Variants in GALNT17 observed in about 807,000 individuals in gnomAD.
GALNT17 encodes polypeptide N-acetylgalactosaminyltransferase 17.
GALNT17 carries 29 observed loss-of-function variants against 63.7 expected under a neutral mutation model. The observed-to-expected ratio is 0.46, with a 90% CI of 0.34 to 0.62. GALNT17 has a LOEUF of 0.62. Ranked by LOEUF, GALNT17 falls within the 20% of genes least tolerant of loss-of-function variation. The pLI is 0.01. For synonymous variants in GALNT17, 305 were observed against 318.3 expected (o/e 0.96, Z 0.45); for missense variants, 603 against 799.6 (o/e 0.75, Z 2.97).
chr7:71,138,096 C>G lies in GALNT17; in HGVS notation c.238+5056C>G, dbSNP rs987865628. 6.6e-5 allele frequency among the ~76,000 whole-genome samples: 10 copies of G among 150,618 alleles called. No individual in the cohort carries two copies. In the South Asian group the frequency reaches 2.1e-3, roughly 32 times the overall value. Reference sequence around the variant, plus strand: ...GCACATTGGCTCATGCCTGTAATCCCTGTACTATGGGAAGCTGAGGTGAGA... The same window carrying G: ...GCACATTGGCTCATGCCTGTAATCCGTGTACTATGGGAAGCTGAGGTGAGA... On this transcript the variant is annotated intron_variant, in intron 1 of 10. Transcript: ENST00000333538.
intron 5 of GALNT17, among the ~76,000 whole-genome samples, chr7:71,424,877 A>T (rs903231792): frequency 6.6e-6 from 1 of 152,212 alleles, no homozygotes; most frequent in Non-Finnish European, 1.5e-5. Context: ...GTTAGATTAG[A>T]TGAGTCTTTA....
In GALNT17 at chr7:71,291,483, G is replaced by A. The variant is rs150565654; in HGVS notation, c.239-44067G>A. On this transcript the variant is annotated intron_variant, in intron 1 of 10. Transcript: ENST00000333538. The stretch of plus-strand genomic sequence containing the variant: ...TGTGAAAACTGTCTAACAATATTCA[G>A]TCATTTCATCTAGAAAGAGACTATA... Among the ~76,000 whole-genome samples the A allele has an allele frequency of 4.5e-3, 687 of 152,186 alleles. 3 individuals are homozygous for A. Among genetic ancestry groups the A allele is most frequent in the African/African-American group, 0.016 (663 of 41,524 alleles).
chr7:71,495,216 C>A (rs1788075781), intron 5 of GALNT17, among the ~76,000 whole-genome samples: 1 of 151,910 alleles, frequency 6.6e-6, no homozygotes, highest in African/African-American at 2.4e-5. Flanking sequence ...GCAGAGGCTG[C>A]AGTGAGCTGA....
chr7:71,201,970 A>G (rs1484528239), intron 1 of GALNT17, among the ~76,000 whole-genome samples: 4 of 152,096 alleles, frequency 2.6e-5, no homozygotes, highest in African/African-American at 7.2e-5. Flanking sequence ...TTTGGGATCT[A>G]TGTCTGGGAT....
intron 1 of GALNT17, among the ~76,000 whole-genome samples, chr7:71,236,228 A>G (rs1789888869): frequency 6.6e-6 from 1 of 152,124 alleles, no homozygotes; most frequent in African/African-American, 2.4e-5. Context: ...CTCTTAGGAA[A>G]AGAGCTGACA....
At chr7:71,351,953 T>A (rs1792196940) in intron 2 of GALNT17, among the ~76,000 whole-genome samples, 1 of 152,122 alleles carries the variant, frequency 6.6e-6, no homozygotes, top group Non-Finnish European at 1.5e-5. Flanking sequence ...GAGTCCAGTT[T>A]GGAGGATAGT....
intron 1 of GALNT17, among the ~76,000 whole-genome samples, chr7:71,192,837 G>C (rs1003662783): frequency 6.6e-6 from 1 of 152,112 alleles, no homozygotes; most frequent in Non-Finnish European, 1.5e-5. Context: ...GTTAGCCATG[G>C]TAGTGGCTGT....
chr7:71,358,849 C>T (rs1792342201), intron 2 of GALNT17, among the ~76,000 whole-genome samples: 1 of 152,006 alleles, frequency 6.6e-6, no homozygotes, highest in African/African-American at 2.4e-5. Flanking sequence ...TCTTGGCTCA[C>T]TGCAACCTCT....
chr7:71,551,488 C>T (rs1468211801), intron 5 of GALNT17, among the ~76,000 whole-genome samples: 1 of 152,038 alleles, frequency 6.6e-6, no homozygotes, highest in Non-Finnish European at 1.5e-5. Flanking sequence ...AACTTTTGGC[C>T]TCTTGATTCC....
chr7:71,412,767 G>A (rs189773971), intron 3 of GALNT17, among the ~76,000 whole-genome samples: 208 of 152,296 alleles, frequency 1.4e-3, no homozygotes, highest in African/African-American at 4.6e-3. Flanking sequence ...ATCTGGCTAA[G>A]TGTGGTGGCT....
intron 1 of GALNT17, among the ~76,000 whole-genome samples, chr7:71,146,522 T>C (rs1260613779): frequency 6.6e-6 from 1 of 152,098 alleles, no homozygotes; most frequent in Non-Finnish European, 1.5e-5. Context: ...AGCAGTGCAG[T>C]CTGGAGATAT....
chr7:71,544,597 G>C (rs1788951101), intron 5 of GALNT17, among the ~76,000 whole-genome samples: 1 of 152,204 alleles, frequency 6.6e-6, no homozygotes, highest in African/African-American at 2.4e-5. Flanking sequence ...AGCAGATAGA[G>C]GAGGCTCTCC....
intron 6 of GALNT17, among the ~76,000 whole-genome samples, chr7:71,645,561 C>A (rs1288534664): frequency 6.6e-6 from 1 of 152,118 alleles, no homozygotes; most frequent in Non-Finnish European, 1.5e-5. Flanking sequence ...TATAAATTAC[C>A]CAGTCTTGGG....
At chr7:71,580,089 G>T (rs992447167) in intron 6 of GALNT17, among the ~76,000 whole-genome samples, 7 of 152,046 alleles carry the variant, frequency 4.6e-5, no homozygotes, top group African/African-American at 1.7e-4. Context: ...AAATATATAG[G>T]TATGGATAGA....
intron 5 of GALNT17, among the ~76,000 whole-genome samples, chr7:71,521,589 C>T (rs1184752606): frequency 6.6e-6 from 1 of 152,232 alleles, no homozygotes. Context: ...ATCACCGTGA[C>T]TGAACGCAGT....
intron 1 of GALNT17, among the ~76,000 whole-genome samples, chr7:71,226,933 C>G (rs796541371): frequency 6.6e-6 from 1 of 152,080 alleles, no homozygotes; most frequent in Non-Finnish European, 1.5e-5. Context: ...TCCGTCCCCC[C>G]TCTATGTGCT....
chr7:71,327,867 T>TTACTTCTA (rs1791730841), intron 1 of GALNT17, among the ~76,000 whole-genome samples: 1 of 152,084 alleles, frequency 6.6e-6, no homozygotes, highest in African/African-American at 2.4e-5. Context: ...TATAGAAGAT[T>TTACTTCTA]TAGTACCTTC....
chr7:71,186,801 A>G (rs17142826), intron 1 of GALNT17, among the ~76,000 whole-genome samples: 4,217 of 152,320 alleles, frequency 0.028, 169 homozygotes, highest in East Asian at 0.11. Context: ...GGTCATGTAC[A>G]TCCAGACTGG....
chr7:71,161,993 TCCTTCTTC>T (rs933276470), intron 1 of GALNT17, among the ~76,000 whole-genome samples: 3 of 150,956 alleles, frequency 2.0e-5, no homozygotes, highest in African/African-American at 7.3e-5. Flanking sequence ...TCCTCTTCTT[TCCTTCTTC>T]CCTTCTTCCT....
Sources: gnomAD v4.1 joint callset for allele counts (sites outside exome capture counted in the v4.1 genomes callset) on GRCh38, gnomAD v4.1.1 for gene constraint, MANE v1.5 for transcripts, NCBI Gene and HGNC (gene_info 2026-07-23, HGNC 2026-07-21) for gene names.